SACS: variants seen among roughly 807,000 people sequenced by gnomAD.
SACS encodes the protein sacsin.
SACS carries 197 observed loss-of-function variants against 348.0 expected under a neutral mutation model. The ratio of observed to expected loss-of-function variants is 0.57; its 90% CI spans 0.50 to 0.64. The LOEUF (loss-of-function observed/expected upper bound fraction) is 0.64. SACS is among the 30% of genes least tolerant of loss of function. The probability of loss-of-function intolerance (pLI) is 0.00; values close to 1 mark genes in which losing one functional copy is unlikely to be tolerated. For missense variants in SACS, 4,999 were observed against 5,360.8 expected, an observed-to-expected ratio of 0.93 and a Z score of 2.11; for synonymous variants, 1,985 against 1,910.6, an observed-to-expected ratio of 1.04 and a Z score of -1.02.
rs777097951 is a variant in SACS at position 23,334,184 on chromosome 13, C to A, written c.9692G>T (p.Cys3231Phe). Residue 3231 changes from cysteine to phenylalanine, a missense_variant, in exon 10 of 10, where the codon TGC becomes TTC. Physicochemically the swap from Cys to Phe is radical, Grantham distance 205. Coordinates refer to ENST00000382292, the MANE Select transcript of SACS (RefSeq NM_014363.6). Reference protein sequence around the residue: ...VLPREYKTKSCTKWKDNFASE... With the variant: ...VLPREYKTKSFTKWKDNFASE... The stretch of plus-strand genomic sequence containing the variant: ...TGCAAAATTGTCTTTCCACTTTGTG[C>A]AACTTTTGGTCTTATATTCTCGAGG... 5.0e-6 allele frequency: 8 copies of A among 1,613,710 alleles called. No homozygotes were observed. The highest frequency in any genetic ancestry group is 1.3e-5 in the African/African-American group (1 of 74,914).
At position 23,337,080 on chromosome 13, in the gene SACS, G is replaced by T. The variant is rs774367133; in HGVS notation, c.6796C>A (p.His2266Asn). Residue 2266 changes from histidine (H) to asparagine (N), a missense_variant, in exon 10 of 10, where the codon CAT (histidine) becomes AAT (asparagine). Coordinates refer to ENST00000382292, the MANE Select transcript of SACS (RefSeq NM_014363.6). ...ACTGAACCACAACCTCTAAAAGAAT[G>T]GGAATTTTCATTTAGAATTGGTTGC... is the stretch of plus-strand genomic sequence containing the variant. ...LLQPILNENS[H>N]SFRGCGSVSL... The T allele has an allele frequency of 1.9e-6, 3 of 1,613,948 alleles. No homozygotes were observed. In the South Asian group the frequency reaches 3.3e-5, roughly 18 times the overall value.
chr13:23,372,870 T>C (rs1242108937), intron 3 of SACS, among the ~76,000 whole-genome samples: 1 of 152,208 alleles, frequency 6.6e-6, no homozygotes, highest in Non-Finnish European at 1.5e-5. Context: ...TTTTGACTTT[T>C]GCAAAGTCTC....
Position 23,331,448 on chromosome 13 carries a change from T to C in SACS, c.12428A>G (p.Tyr4143Cys), listed in dbSNP as rs1002971192. The C allele has an allele frequency of 6.2e-7, 1 of 1,613,936 alleles. No individual in the cohort carries two copies. Among genetic ancestry groups the C allele is most frequent in the Non-Finnish European group, 8.5e-7 (1 of 1,179,952 alleles). Residue 4143 changes from tyrosine (Y) to cysteine (C), a missense_variant, in exon 10 of 10, where the codon TAT (tyrosine) becomes TGT (cysteine). Coordinates refer to ENST00000382292, the MANE Select transcript of SACS (RefSeq NM_014363.6). Reference sequence around the variant, plus strand: ...CAGTTTTGATGGCTCCGAAGAGTCATATTTCACTCCTAAACTGTCAAGTTT... The same window carrying C: ...CAGTTTTGATGGCTCCGAAGAGTCACATTTCACTCCTAAACTGTCAAGTTT... ...GEKLDSLGVK[Y>C]DSSEPSKLEL... is the part of the protein sequence containing the mutation.
intron 6 of SACS, among the ~76,000 whole-genome samples, chr13:23,364,529 C>T (rs1355910039): frequency 6.6e-6 from 1 of 152,176 alleles, no homozygotes; most frequent in East Asian, 1.9e-4. Context: ...GATCTGCCCA[C>T]CTCAGCCTCC....
Position 23,336,218 on chromosome 13 carries a change from G to A in SACS, c.7658C>T (p.Ala2553Val). Residue 2553 changes from alanine to valine, a missense_variant, in exon 10 of 10, where the codon GCT becomes GTT. Around this residue, in one of 6 missense-constraint regions of SACS, gnomAD observed 3,156 missense variants for 3,380.1 expected, o/e 0.93. Transcript: ENST00000382292. ...GATTTCTGTCGCCTTTGCATCATCA[G>A]CATTTTGAAGAAGCTCTTTCAACAT... Reference protein sequence around the residue: ...KEMLKELLQNADDAKATEICF... With the variant: ...KEMLKELLQNVDDAKATEICF... 10 of 1,614,032 alleles carry A rather than the reference G, an allele frequency of 6.2e-6. No homozygotes were observed. The highest frequency in any genetic ancestry group is 8.5e-6 in the Non-Finnish European group (10 of 1,179,924).
At chr13:23,379,908 C>T (rs1871972771) in intron 2 of SACS, among the ~76,000 whole-genome samples, 1 of 152,134 alleles carries the variant, frequency 6.6e-6, no homozygotes, top group South Asian at 2.1e-4. Context: ...ACAGACACTG[C>T]CTTCCTGCTT....
Position 23,375,210 on chromosome 13 carries a change from G to T in SACS, c.80C>A (p.Ala27Glu). ...CVGCRTVAAL[A>E]SWTVRDVKER... ...CTTCACATCGCGCACGGTCCAGGAC[G>T]CCAGCGCCGCGACGGTCCTGCAGCC... Residue 27 changes from alanine to glutamate, a missense_variant, in exon 3 of 10, where the codon GCG (alanine) becomes GAG (glutamate). Coordinates refer to ENST00000382292, the MANE Select transcript of SACS (RefSeq NM_014363.6). The T allele has an allele frequency of 6.7e-7, 1 of 1,499,340 alleles. No individual in the cohort carries two copies. The highest frequency in any genetic ancestry group is 2.2e-5 in the Admixed American group (1 of 44,472). 92.9% of individuals were successfully genotyped at this position (1,499,340 alleles called of 1,614,324 possible). A position where few individuals can be genotyped will look rare whatever the true frequency, so the allele number is the denominator to read the frequency against.
intron 2 of SACS, among the ~76,000 whole-genome samples, chr13:23,382,989 G>A (rs1445367800): frequency 2.9e-5 from 4 of 139,594 alleles, no homozygotes; most frequent in Admixed American, 7.7e-5. Context: ...TGGTAGAGAC[G>A]AGGTCTCACC....
intron 8 of SACS, among the ~76,000 whole-genome samples, chr13:23,354,079 C>A (rs1043479595): frequency 2.0e-5 from 3 of 152,168 alleles, no homozygotes; most frequent in African/African-American, 7.2e-5. Context: ...ATGTACTTTA[C>A]TCAAATTCAG....
chr13:23,330,682 A>G lies in SACS; in HGVS notation c.13194T>C (p.Tyr4398=), dbSNP rs1883411652. 6.2e-7 allele frequency: 1 copy of G among 1,614,152 alleles called. No individual in the cohort carries two copies. Among genetic ancestry groups the G allele is most frequent in the Non-Finnish European group, 8.5e-7 (1 of 1,179,998 alleles). ...QSDKYSFQRF[Y]TSWNQEATSH... ...TCGTTGCTTCTTGATTCCATGAAGT[A>G]TAGAATCTCTGAAATGAGTATTTGT... Residue 4398 remains tyrosine (Y), a synonymous_variant, in exon 10 of 10, where the codon TAT becomes TAC. Transcript: ENST00000382292.
intron 2 of SACS, among the ~76,000 whole-genome samples, chr13:23,397,071 T>G (rs1363158979): frequency 1.3e-5 from 2 of 152,186 alleles, no homozygotes; most frequent in Non-Finnish European, 2.9e-5. Context: ...AGATGGTAGA[T>G]TCATAAAACT....
chr13:23,396,889 T>G, intron 2 of SACS, among the ~76,000 whole-genome samples: 1 of 152,338 alleles, frequency 6.6e-6, no homozygotes, highest in South Asian at 2.1e-4. Context: ...AGACATTCAT[T>G]AGCAATTTCT....
chr13:23,393,483 C>T (rs144448922), intron 2 of SACS, among the ~76,000 whole-genome samples: 373 of 152,278 alleles, frequency 2.4e-3, no homozygotes, highest in Non-Finnish European at 3.7e-3. Context: ...TTCCTTGGCC[C>T]TCTACTGCCC....
chr13:23,395,186 T>C (rs373263002), intron 2 of SACS, among the ~76,000 whole-genome samples: 3 of 127,710 alleles, frequency 2.3e-5, no homozygotes, highest in Admixed American at 1.5e-4. Flanking sequence ...GTTTATTAAA[T>C]ATAGAGGCTG....
At chr13:23,370,552 A>G (rs1871324271) in intron 4 of SACS, among the ~76,000 whole-genome samples, 1 of 152,202 alleles carries the variant, frequency 6.6e-6, no homozygotes, top group Admixed American at 6.5e-5. Context: ...ACTGTATAGA[A>G]GATCTCCAGA....
At chr13:23,398,198 TAAAATA>T (rs1406634404) in intron 2 of SACS, among the ~76,000 whole-genome samples, 1 of 145,424 alleles carries the variant, frequency 6.9e-6, no homozygotes, top group Admixed American at 6.9e-5. Flanking sequence ...TCTCAAAAAA[TAAAATA>T]AAATTAAATT....
chr13:23,353,997 C>T, intron 8 of SACS, 121 bp from the exon 9 acceptor site: 2 of 694,926 alleles, frequency 2.9e-6, no homozygotes, highest in Admixed American at 4.6e-5. Context: ...AATTATAATG[C>T]ACACATCAAA....
chr13:23,386,713 C>G (rs985265650), intron 2 of SACS, among the ~76,000 whole-genome samples: 3 of 152,208 alleles, frequency 2.0e-5, no homozygotes, highest in Admixed American at 1.3e-4. Context: ...TTTCAACCTG[C>G]CTTCCTCACT....
chr13:23,331,240 TCTTTC>T lies in SACS; in HGVS notation c.12631_12635del (p.Glu4211ArgfsTer4). 1 of 1,613,966 alleles carries T rather than the reference TCTTTC, an allele frequency of 6.2e-7. No individual in the cohort carries two copies. The highest frequency in any genetic ancestry group is 8.5e-7 in the Non-Finnish European group (1 of 1,179,874). ...GAAAACTAGAATTGTCAGCATCTTC[TCTTTC>T]AACTTCTTGTACAATAATTGCATAT... On this transcript the variant is annotated frameshift_variant, in exon 10 of 10. Coordinates refer to ENST00000382292, the MANE Select transcript of SACS (RefSeq NM_014363.6). LOFTEE classifies it high-confidence loss of function.
Sources: allele counts gnomAD v4.1 joint callset (sites outside exome capture counted in the v4.1 genomes callset), GRCh38; gene constraint gnomAD v4.1.1; regional missense constraint gnomAD v4.1.1; transcripts MANE v1.5; gene names NCBI Gene and HGNC (gene_info 2026-07-23, HGNC 2026-07-21).